The following NEGR1 variants were observed in gnomAD, a reference collection of about 807,000 sequenced individuals.
NEGR1 encodes neuronal growth regulator 1.
Under a neutral mutation model 40.9 loss-of-function variants are expected in NEGR1, and 10 were observed. The observed-to-expected ratio is 0.24, with a 90% confidence interval of 0.15 to 0.42. The LOEUF (loss-of-function observed/expected upper bound fraction) is 0.42, where lower values mean the gene tolerates loss of function less well. NEGR1 is among the 10% of genes least tolerant of loss of function. NEGR1 has a pLI of 1.00. For missense variants in NEGR1, 352 were observed against 438.9 expected, an observed-to-expected ratio of 0.80 and a Z score of 1.77; for synonymous variants, 185 against 166.8, an observed-to-expected ratio of 1.11 and a Z score of -0.84.
intron 2 of NEGR1, among the ~76,000 whole-genome samples, chr1:71,784,904 T>C (rs946722633): frequency 1.3e-5 from 2 of 152,244 alleles, no homozygotes; most frequent in Non-Finnish European, 2.9e-5. Flanking sequence ...ACATTTTTGG[T>C]TGCAGGCAAA....
intron 1 of NEGR1, among the ~76,000 whole-genome samples, chr1:72,094,312 A>C (rs568769514): frequency 2.6e-5 from 4 of 152,196 alleles, no homozygotes; most frequent in African/African-American, 9.6e-5. Context: ...GAAATCTAAG[A>C]TCTCAAAGAA....
chr1:71,959,189 A>G (rs1293307050), intron 1 of NEGR1, among the ~76,000 whole-genome samples: 2 of 152,120 alleles, frequency 1.3e-5, no homozygotes, highest in Non-Finnish European at 2.9e-5. Context: ...TGACATGATG[A>G]TTCTCAAATT....
chr1:72,029,560 G>GACGTGTT (rs1646839981), intron 1 of NEGR1, among the ~76,000 whole-genome samples: 1 of 152,280 alleles, frequency 6.6e-6, no homozygotes, highest in Non-Finnish European at 1.5e-5. Context: ...TTATTGACAA[G>GACGTGTT]TAATGCTGTC....
chr1:72,173,859 C>T (rs1479549725), intron 1 of NEGR1, among the ~76,000 whole-genome samples: 2 of 152,068 alleles, frequency 1.3e-5, no homozygotes, highest in African/African-American at 4.8e-5. Flanking sequence ...AGGAGAATTG[C>T]TTGAACCCGG....
rs10604833 is a variant in NEGR1 at position 71,988,923 on chromosome 1, T to TAAAAAAAAAAA, written c.177-53623_177-53613dup. Among the ~76,000 whole-genome samples, 42 of 82,232 alleles carry TAAAAAAAAAAA rather than the reference T, an allele frequency of 5.1e-4. 2 individuals carry two copies. The highest frequency in any genetic ancestry group is 2.4e-3 in the African/African-American group (41 of 17,438). 53.9% of individuals were successfully genotyped at this position (82,232 alleles called of 152,430 possible). ...CAATGAGCTCTATCATATTGGATGTTAAAAAAAAAAAAAAAAAAAAAAAAA... is the reference window on the plus strand; with the variant it reads ...CAATGAGCTCTATCATATTGGATGTTAAAAAAAAAAAAAAAAAAAAAAAAAAAAAAAAAAAA... On this transcript the variant is annotated intron_variant, in intron 1 of 6. Transcript: ENST00000357731.
At chr1:72,216,814 T>C (rs1653837249) in intron 1 of NEGR1, among the ~76,000 whole-genome samples, 2 of 151,602 alleles carry the variant, frequency 1.3e-5, no homozygotes, top group South Asian at 4.1e-4. Flanking sequence ...TAAAAGTTAG[T>C]TATTATTATG....
chr1:72,003,929 G>A (rs1200122945), intron 1 of NEGR1, among the ~76,000 whole-genome samples: 1 of 151,986 alleles, frequency 6.6e-6, no homozygotes, highest in African/African-American at 2.4e-5. Flanking sequence ...ATTTTCTATG[G>A]AGAAAAGGAA....
intron 1 of NEGR1, among the ~76,000 whole-genome samples, chr1:72,137,165 A>C (rs1296579507): frequency 6.6e-6 from 1 of 152,200 alleles, no homozygotes; most frequent in Non-Finnish European, 1.5e-5. Flanking sequence ...AAATTAGTTC[A>C]ACCATTGTGG....
intron 4 of NEGR1, among the ~76,000 whole-genome samples, chr1:71,659,748 G>C (rs758757944): frequency 2.0e-5 from 3 of 152,152 alleles, no homozygotes; most frequent in Non-Finnish European, 2.9e-5. Context: ...CTGATCATTA[G>C]AGAAAGGCAA....
At chr1:71,523,600 T>A (rs1212396505) in intron 6 of NEGR1, among the ~76,000 whole-genome samples, 1 of 151,882 alleles carries the variant, frequency 6.6e-6, no homozygotes, top group African/African-American at 2.4e-5. Context: ...CTACTGATGC[T>A]GGCTAGATGA....
intron 6 of NEGR1, among the ~76,000 whole-genome samples, chr1:71,461,987 C>A (rs1324775484): frequency 6.6e-6 from 1 of 152,130 alleles, no homozygotes. Flanking sequence ...GGGATTCGAA[C>A]CCTGCTCTGT....
intron 2 of NEGR1, among the ~76,000 whole-genome samples, chr1:71,880,854 A>T (rs1231260867): frequency 6.6e-6 from 1 of 152,036 alleles, no homozygotes; most frequent in African/African-American, 2.4e-5. Context: ...AGGGGATAGG[A>T]GGTTAATATT....
At chr1:72,051,261 T>C (rs956854260) in intron 1 of NEGR1, among the ~76,000 whole-genome samples, 11 of 151,556 alleles carry the variant, frequency 7.3e-5, no homozygotes, top group Non-Finnish European at 1.5e-5. Context: ...CTAAAATACA[T>C]ATTACAATCA....
chr1:72,191,887 C>T (rs1369582683), intron 1 of NEGR1, among the ~76,000 whole-genome samples: 1 of 151,786 alleles, frequency 6.6e-6, no homozygotes, highest in African/African-American at 2.4e-5. Context: ...TTGGCAGTGC[C>T]ATCTTCCTCT....
intron 2 of NEGR1, among the ~76,000 whole-genome samples, chr1:71,851,272 G>A (rs1036608118): frequency 1.3e-5 from 2 of 152,062 alleles, no homozygotes; most frequent in Admixed American, 1.3e-4. Context: ...TTCCTAACCA[G>A]ATGATTTTTT....
intron 4 of NEGR1, among the ~76,000 whole-genome samples, chr1:71,696,649 C>CCTGATCA (rs1284024732): frequency 4.0e-5 from 6 of 151,702 alleles, no homozygotes; most frequent in Admixed American, 4.0e-4. Context: ...GGAATTTTTA[C>CCTGATCA]TTGTTTGTTA....
intron 1 of NEGR1, among the ~76,000 whole-genome samples, chr1:72,181,129 G>T (rs1652351549): frequency 6.6e-6 from 1 of 152,136 alleles, no homozygotes; most frequent in Admixed American, 6.6e-5. Flanking sequence ...GTTTTAGAAT[G>T]ACTGATATTT....
chr1:72,042,453 C>A (rs1209827184), intron 1 of NEGR1, among the ~76,000 whole-genome samples: 1 of 151,950 alleles, frequency 6.6e-6, no homozygotes, highest in Non-Finnish European at 1.5e-5. Context: ...ACTCTTCAAG[C>A]AGAATTGTAC....
chr1:71,714,167 G>T (rs975691588), intron 3 of NEGR1, among the ~76,000 whole-genome samples: 2 of 152,124 alleles, frequency 1.3e-5, no homozygotes, highest in Non-Finnish European at 2.9e-5. Flanking sequence ...GAGAATGAGG[G>T]CCAGGAAGGG....
Sources: gnomAD v4.1 joint callset for allele counts (sites outside exome capture counted in the v4.1 genomes callset) on GRCh38, gnomAD v4.1.1 for gene constraint, MANE v1.5 for transcripts, NCBI Gene and HGNC (gene_info 2026-07-23, HGNC 2026-07-21) for gene names.